SREBF1: variants seen among roughly 807,000 people sequenced by gnomAD.
SREBF1 encodes sterol regulatory element binding transcription factor 1, also known as sterol regulatory element-binding protein 1.
Under a neutral mutation model 100.1 loss-of-function variants are expected in SREBF1, and 45 were observed. The observed-to-expected ratio is 0.45, with a 90% CI of 0.35 to 0.58. The LOEUF (loss-of-function observed/expected upper bound fraction) is 0.58, where lower values mean the gene tolerates loss of function less well. Ranked by LOEUF, SREBF1 falls within the 20% of genes least tolerant of loss-of-function variation. The pLI, the probability that SREBF1 is intolerant of heterozygous loss-of-function variation, is 0.00. For synonymous variants in SREBF1, 657 were observed against 681.8 expected (o/e 0.96, Z 0.57); for missense variants, 1,324 against 1,539.4 (o/e 0.86, Z 2.34).
chr17:17,823,533 C>T, intron 1 of SREBF1: 1 of 1,613,152 alleles, frequency 6.2e-7, no homozygotes, highest in Non-Finnish European at 8.5e-7. Flanking sequence ...AAAGTGCAAT[C>T]CATGGCTCCG....
chr17:17,814,630 A>T lies in SREBF1; in HGVS notation c.2720T>A (p.Val907Glu). ...LCPLVEHLPR[V>E]LQESERPLPR... ...GTGCACTCACTCAGACTCCTGCAGC[A>T]CCCGGGGCAGGTGCTCCACCAGCGG... The change falls in exon 15 of 19, where the codon GTG (valine) becomes GAG (glutamate). Residue 907 changes from valine (V) to glutamate (E), a missense_variant. Transcript: ENST00000261646. 1 of 1,544,680 alleles carries T rather than the reference A, an allele frequency of 6.5e-7. No individual in the cohort carries two copies. Among genetic ancestry groups the T allele is most frequent in the Non-Finnish European group, 8.7e-7 (1 of 1,149,778 alleles).
At chr17:17,827,114 G>C (rs940894088) in intron 1 of SREBF1, among the ~76,000 whole-genome samples, 2 of 152,238 alleles carry the variant, frequency 1.3e-5, no homozygotes, top group Admixed American at 1.3e-4. Context: ...AGAAGAAACA[G>C]TGTGTGCAAA....
intron 2 of SREBF1, 180 bp from the exon 3 acceptor site, chr17:17,819,905 G>C (rs1272215021): frequency 1.7e-6 from 2 of 1,169,584 alleles, no homozygotes; most frequent in East Asian, 2.6e-5. Flanking sequence ...CCTCCAGTGC[G>C]AGGTTGCGCC....
At chr17:17,818,992 C>T (rs2033869115) in intron 5 of SREBF1, 21 bp downstream of exon 5, 3 of 1,609,482 alleles carry the variant, frequency 1.9e-6, no homozygotes, top group Non-Finnish European at 1.7e-6. Flanking sequence ...CCGGTCTGTG[C>T]CCCTGCAGGC....
At chr17:17,813,165 G>A (rs2143009498) in intron 18 of SREBF1, 1 of 623,376 alleles carries the variant, frequency 1.6e-6, no homozygotes, top group African/African-American at 1.8e-5. Context: ...GACTCTCCCT[G>A]TCACTCAGGC....
intron 1 of SREBF1, chr17:17,823,663 G>A (rs1044602178): frequency 1.7e-6 from 2 of 1,150,580 alleles, no homozygotes; most frequent in Admixed American, 2.8e-5. Context: ...CGCCCGCCCC[G>A]CCCCGCCCCG....
intron 15 of SREBF1, 41 bp downstream of exon 15, chr17:17,814,574 T>C: frequency 6.5e-7 from 1 of 1,536,752 alleles, no homozygotes. Flanking sequence ...TGAGGAAGGC[T>C]GAGCCCGGGA....
Position 17,818,995 on chromosome 17 carries a change from C to A in SREBF1, c.1068+18G>T. 1 of 1,611,182 alleles carries A rather than the reference C, an allele frequency of 6.2e-7. No homozygotes were observed. The highest frequency in any genetic ancestry group is 1.1e-5 in the South Asian group (1 of 91,058). On this transcript the variant is annotated intron_variant, in intron 5 of 18. Transcript: ENST00000261646. ...CCTAGGGACACCCCGGTCTGTGCCCCTGCAGGCCTCTCCACACCTTTGCCT... is the reference window on the plus strand; with the variant it reads ...CCTAGGGACACCCCGGTCTGTGCCCATGCAGGCCTCTCCACACCTTTGCCT...
In SREBF1 at chr17:17,816,585, CAG is replaced by C. The variant is rs1178323085; in HGVS notation, c.1917_1918del (p.Trp640GlyfsTer23). On this transcript the variant is annotated frameshift_variant, in exon 10 of 19. Transcript: ENST00000261646. LOFTEE classifies it high-confidence loss of function. ...CCGGCCTGCCAGCCAGCGGCCCACC[CAG>C]AGACGCTGCAGCAGGTGACGGATGA... The C allele has an allele frequency of 1.2e-6, 2 of 1,606,312 alleles. No individual in the cohort carries two copies. Among genetic ancestry groups the C allele is most frequent in the East Asian group, 2.2e-5 (1 of 44,604 alleles).
At position 17,812,868 on chromosome 17, in the gene SREBF1, G is replaced by A. The variant is rs2143009146; in HGVS notation, c.3215-17C>T. 3 of 1,472,856 alleles carry A rather than the reference G, an allele frequency of 2.0e-6. No homozygotes were observed. Among genetic ancestry groups the A allele is most frequent in the Non-Finnish European group, 2.7e-6 (3 of 1,120,626 alleles). 91.2% of individuals were successfully genotyped at this position (1,472,856 alleles called of 1,614,324 possible). Reference sequence around the variant, plus strand: ...CCACCGCGCCTGCGCACACGAGGATGTGTCAGGGATGGGTCTCAAGCTGGC... The same window carrying A: ...CCACCGCGCCTGCGCACACGAGGATATGTCAGGGATGGGTCTCAAGCTGGC... On this transcript the variant is annotated splice_polypyrimidine_tract_variant and intron_variant, in intron 18 of 18. Transcript: ENST00000261646.
chr17:17,813,454 C>G lies in SREBF1; in HGVS notation c.3128G>C (p.Arg1043Pro). The change falls in exon 18 of 19, where the codon CGG (arginine) becomes CCG (proline). Residue 1043 changes from arginine (R) to proline (P), a missense_variant. Coordinates refer to ENST00000261646, the MANE Select transcript of SREBF1 (RefSeq NM_004176.5). ...TGTGGGGCTGGCCCCCGCCATCAGC[C>G]GGGCCGTGGCCTCATGTAGGAACAC... ...RRVFLHEATA[R>P]LMAGASPTRT... 6.2e-7 allele frequency: 1 copy of G among 1,604,276 alleles called. No individual in the cohort carries two copies. Among genetic ancestry groups the G allele is most frequent in the Non-Finnish European group, 8.5e-7 (1 of 1,175,984 alleles).
Position 17,814,184 on chromosome 17 carries a change from G to A in SREBF1, c.2901+61C>T, listed in dbSNP as rs376365078. ...TGCAGCCCCTGGGGGCTGGGGAGAG[G>A]AACCAGGGAATGGAAAGCTGAATCC... On this transcript the variant is annotated intron_variant, in intron 16 of 18. Transcript: ENST00000261646. The A allele has an allele frequency of 1.4e-5, 22 of 1,537,552 alleles. No homozygotes were observed. In the African/African-American group the frequency reaches 3.0e-4, roughly 21 times the overall value.
intron 1 of SREBF1, chr17:17,823,593 C>T (rs1372606300): frequency 6.2e-7 from 1 of 1,612,812 alleles, no homozygotes. Flanking sequence ...CTACCCCTCC[C>T]CGCGCCGACT....
intron 16 of SREBF1, 86 bp from the exon 17 acceptor site, chr17:17,813,855 C>G (rs2033230565): frequency 4.4e-6 from 6 of 1,353,950 alleles, no homozygotes; most frequent in Admixed American, 2.0e-5. Flanking sequence ...GGGGCCGGCT[C>G]CGGGCTGCAC....
rs1260503835 is a variant in SREBF1 at position 17,817,021 on chromosome 17, G to C, written c.1722C>G (p.Pro574=). The stretch of plus-strand genomic sequence containing the variant: ...AGAAGTACACGGCGGGGCCTGAGTG[G>C]GGCCGTGTGACTGGCTCACCGTAGA... ...LFVYGEPVTR[P]HSGPAVYFWR... The change falls in exon 9 of 19, where the codon CCC becomes CCG. Residue 574 remains proline, a synonymous_variant. Coordinates refer to ENST00000261646, the MANE Select transcript of SREBF1 (RefSeq NM_004176.5). This position sits in a 1 kb window ranked among gnomAD's most constrained non-coding sequence, Gnocchi z 6.6. 1.2e-6 allele frequency: 2 copies of C among 1,613,130 alleles called. No homozygotes were observed. Among genetic ancestry groups the C allele is most frequent in the East Asian group, 4.5e-5 (2 of 44,882 alleles).
In SREBF1 at chr17:17,814,758, G is replaced by C. The variant is rs780613862; in HGVS notation, c.2603-11C>G. The C allele has an allele frequency of 4.3e-6, 7 of 1,611,592 alleles. 1 individual carries two copies. The South Asian group carries it at 7.7e-5, about 18-fold the overall frequency. On this transcript the variant is annotated splice_polypyrimidine_tract_variant and intron_variant, in intron 14 of 18. Transcript: ENST00000261646. The stretch of plus-strand genomic sequence containing the variant: ...CCACCGGGTCTACGCCTGCAGAAGA[G>C]GGAGGGTCCCCTGAACCCTCAGTCA...
chr17:17,829,232 A>G lies in SREBF1; in HGVS notation c.91+7495T>C, dbSNP rs193062198. On this transcript the variant is annotated intron_variant, in intron 1 of 18. Transcript: ENST00000261646. ...TATATATATATATATATATATATAT[A>G]TATGTATACACACACACACACACAC... Among the ~76,000 whole-genome samples, 494 of 125,958 alleles carry G rather than the reference A, an allele frequency of 3.9e-3. 39 individuals are homozygous for G. Among genetic ancestry groups the G allele is most frequent in the African/African-American group, 0.018 (462 of 25,770 alleles). 82.6% of individuals were successfully genotyped at this position (125,958 alleles called of 152,430 possible). A position where few individuals can be genotyped will look rare whatever the true frequency, so the allele number is the denominator to read the frequency against.
At chr17:17,832,384 G>A (rs1334041498) in intron 1 of SREBF1, among the ~76,000 whole-genome samples, 1 of 152,116 alleles carries the variant, frequency 6.6e-6, no homozygotes, top group East Asian at 1.9e-4. Flanking sequence ...CCCCTGCTCT[G>A]ACCCCCGACT....
chr17:17,817,970 A>C lies in SREBF1; in HGVS notation c.1184-54T>G. ...GTAAAGGCTGGATATGTGACCCCAA[A>C]TCAGAGCCTAGGCCCTTGGAGGCCT... On this transcript the variant is annotated intron_variant, in intron 6 of 18. Coordinates refer to ENST00000261646, the MANE Select transcript of SREBF1 (RefSeq NM_004176.5). This position sits in a 1 kb window ranked among gnomAD's most constrained non-coding sequence, Gnocchi z 6.6. The C allele has an allele frequency of 9.1e-6, 14 of 1,543,934 alleles. No individual in the cohort carries two copies. The highest frequency in any genetic ancestry group is 1.2e-5 in the Non-Finnish European group (14 of 1,129,528).
Sources: allele counts gnomAD v4.1 joint callset (sites outside exome capture counted in the v4.1 genomes callset), GRCh38; gene constraint gnomAD v4.1.1; non-coding constraint Gnocchi (gnomAD v3.1); transcripts MANE v1.5; gene names NCBI Gene and HGNC (gene_info 2026-07-23, HGNC 2026-07-21).